Variants in SPIRE1 observed in about 807,000 individuals in gnomAD.
SPIRE1 encodes spire type actin nucleation factor 1.
SPIRE1 carries 40 observed loss-of-function variants against 94.1 expected under a neutral mutation model. The ratio of observed to expected loss-of-function variants is 0.43; its 90% confidence interval spans 0.33 to 0.55. The LOEUF is 0.55. SPIRE1 is among the 20% of genes least tolerant of loss of function. The probability of loss-of-function intolerance (pLI) is 0.06; values close to 1 mark genes in which losing one functional copy is unlikely to be tolerated. For missense variants in SPIRE1, 838 were observed against 975.2 expected, an observed-to-expected ratio of 0.86 and a Z score of 1.87; for synonymous variants, 376 against 371.7, an observed-to-expected ratio of 1.01 and a Z score of -0.13.
intron 2 of SPIRE1, among the ~76,000 whole-genome samples, chr18:12,553,663 A>T (rs1014293692): frequency 1.3e-5 from 2 of 151,532 alleles, no homozygotes; most frequent in Non-Finnish European, 2.9e-5. Context: ...GCCTGGGGGA[A>T]CTTGCTGCCC....
intron 3 of SPIRE1, among the ~76,000 whole-genome samples, chr18:12,542,268 C>A (rs989778668): frequency 4.6e-5 from 7 of 152,146 alleles, no homozygotes; most frequent in Non-Finnish European, 1.0e-4. Flanking sequence ...AGCCACCGCA[C>A]GCAGCCAACA....
intron 6 of SPIRE1, among the ~76,000 whole-genome samples, chr18:12,497,673 T>TC (rs2033508135): frequency 6.6e-6 from 1 of 152,140 alleles, no homozygotes; most frequent in African/African-American, 2.4e-5. Flanking sequence ...AGGAGGGTGA[T>TC]CGAGAAGCAG....
rs1320140117 is a variant in SPIRE1, at chr18:12,594,537, G to A, written c.372+40525C>T. ...ATGTCCACATGTGATATAATTCTTA[G>A]GAAAATCACACATATGTCCATAAGA... On this transcript the variant is annotated intron_variant, in intron 2 of 16. Coordinates refer to ENST00000409402, the MANE Select transcript of SPIRE1 (RefSeq NM_001128626.2). Among the ~76,000 whole-genome samples, 7 of 152,034 alleles carry A rather than the reference G, an allele frequency of 4.6e-5. No homozygotes were observed. In the East Asian group the frequency reaches 1.3e-3, roughly 29 times the overall value.
intron 2 of SPIRE1, among the ~76,000 whole-genome samples, chr18:12,558,738 G>C (rs996581253): frequency 6.6e-6 from 1 of 152,102 alleles, no homozygotes; most frequent in East Asian, 1.9e-4. Flanking sequence ...ATAGAGTGCT[G>C]ACTGGTGCAT....
chr18:12,543,908 A>G (rs2035079671), intron 3 of SPIRE1, among the ~76,000 whole-genome samples: 1 of 152,230 alleles, frequency 6.6e-6, no homozygotes, highest in African/African-American at 2.4e-5. Context: ...TAACCAAACC[A>G]CAAACTCATA....
At chr18:12,500,384 G>A (rs928042428) in intron 6 of SPIRE1, among the ~76,000 whole-genome samples, 1 of 152,174 alleles carries the variant, frequency 6.6e-6, no homozygotes, top group African/African-American at 2.4e-5. Context: ...AATCATCAGG[G>A]AAATGCAAAT....
intron 8 of SPIRE1, among the ~76,000 whole-genome samples, chr18:12,488,566 A>G (rs1387046182): frequency 6.6e-6 from 1 of 152,170 alleles, no homozygotes; most frequent in Non-Finnish European, 1.5e-5. Context: ...TTTTAAAGGA[A>G]TAATTTTTAT....
At chr18:12,594,873 C>G (rs2036628439) in intron 2 of SPIRE1, among the ~76,000 whole-genome samples, 1 of 152,232 alleles carries the variant, frequency 6.6e-6, no homozygotes, top group Non-Finnish European at 1.5e-5. Context: ...CTTCCTCAGA[C>G]TATTCAATGC....
intron 1 of SPIRE1, among the ~76,000 whole-genome samples, chr18:12,649,512 T>A (rs2038318237): frequency 6.6e-6 from 1 of 152,230 alleles, no homozygotes; most frequent in African/African-American, 2.4e-5. Context: ...TTTCCTTTTT[T>A]CTACTTAGCC....
chr18:12,622,419 G>GTTTTT (rs1598546094), intron 2 of SPIRE1, among the ~76,000 whole-genome samples: 12 of 91,818 alleles, frequency 1.3e-4, no homozygotes, highest in East Asian at 3.9e-4. Context: ...GCTATGTCCA[G>GTTTTT]TCTTTTTTTT....
intron 4 of SPIRE1, among the ~76,000 whole-genome samples, chr18:12,528,183 T>C (rs150513224): frequency 6.6e-6 from 1 of 152,184 alleles, no homozygotes; most frequent in East Asian, 1.9e-4. Flanking sequence ...AAAGGAGACA[T>C]ACCTAAAAAG....
At chr18:12,458,090 C>T (rs948170419) in intron 12 of SPIRE1, among the ~76,000 whole-genome samples, 58 of 150,872 alleles carry the variant, frequency 3.8e-4, no homozygotes, top group African/African-American at 1.3e-3. Flanking sequence ...ATGATCCACC[C>T]GCCTCGGCCT....
intron 2 of SPIRE1, among the ~76,000 whole-genome samples, chr18:12,595,736 G>A (rs767134828): frequency 6.6e-6 from 1 of 152,224 alleles, no homozygotes. Flanking sequence ...AAGTGGAATA[G>A]ACAAACACAT....
At chr18:12,561,945 A>G (rs539537825) in intron 2 of SPIRE1, among the ~76,000 whole-genome samples, 1 of 152,348 alleles carries the variant, frequency 6.6e-6, no homozygotes, top group East Asian at 1.9e-4. Flanking sequence ...TGAATTACAC[A>G]GTAACAAGTA....
Position 12,462,930 on chromosome 18 carries a change from C to T in SPIRE1, c.1638+421G>A, listed in dbSNP as rs565691679. On this transcript the variant is annotated intron_variant, in intron 12 of 16. Coordinates refer to ENST00000409402, the MANE Select transcript of SPIRE1 (RefSeq NM_001128626.2). ...GATAGAGTTTGGAGAAGGTGTCACT[C>T]TGCTGCCCAGGCTAGAGTGCAATGG... Among the ~76,000 whole-genome samples, 7 of 152,222 alleles carry T rather than the reference C, an allele frequency of 4.6e-5. No homozygotes were observed. The South Asian group carries it at 1.2e-3, about 27-fold the overall frequency.
intron 2 of SPIRE1, among the ~76,000 whole-genome samples, chr18:12,601,147 G>A (rs1028001535): frequency 1.3e-5 from 2 of 151,988 alleles, no homozygotes; most frequent in Non-Finnish European, 2.9e-5. Flanking sequence ...TTGGCTGGGT[G>A]CGGTGGCTCA....
At chr18:12,529,777 AG>A (rs1173416947) in intron 4 of SPIRE1, among the ~76,000 whole-genome samples, 1 of 152,246 alleles carries the variant, frequency 6.6e-6, no homozygotes, top group Non-Finnish European at 1.5e-5. Flanking sequence ...CATCACTTTG[AG>A]TACATAATCT....
At chr18:12,478,949 A>C (rs931039799) in intron 10 of SPIRE1, among the ~76,000 whole-genome samples, 1 of 151,856 alleles carries the variant, frequency 6.6e-6, no homozygotes, top group Non-Finnish European at 1.5e-5. Flanking sequence ...TATTACTATT[A>C]CAAAAAGAAC....
At chr18:12,598,455 GT>G (rs1226006253) in intron 2 of SPIRE1, among the ~76,000 whole-genome samples, 20 of 148,180 alleles carry the variant, frequency 1.3e-4, no homozygotes, top group Middle Eastern at 3.5e-3. Flanking sequence ...TGTTTACACT[GT>G]TTTTTTTTTC....
Sources: allele counts gnomAD v4.1 joint callset (sites outside exome capture counted in the v4.1 genomes callset), GRCh38; gene constraint gnomAD v4.1.1; transcripts MANE v1.5; gene names NCBI Gene and HGNC (gene_info 2026-07-23, HGNC 2026-07-21).